PSMB7: variants seen among roughly 807,000 people sequenced by gnomAD.
PSMB7 encodes the protein proteasome subunit beta type-7.
PSMB7 carries 5 observed loss-of-function variants against 28.1 expected under a neutral mutation model. The observed-to-expected ratio is 0.18, with a 90% CI of 0.09 to 0.37. The LOEUF is 0.37. Among genes scored for constraint, PSMB7 ranks in the 10% least tolerant of loss-of-function variants. The probability of loss-of-function intolerance (pLI) is 1.00; values close to 1 mark genes in which losing one functional copy is unlikely to be tolerated. For synonymous variants in PSMB7, 122 were observed against 123.7 expected (o/e 0.99, Z 0.09); for missense variants, 275 against 346.2 (o/e 0.79, Z 1.63).
chr9:124,377,355 G>A (rs1270744880), intron 6 of PSMB7, among the ~76,000 whole-genome samples: 1 of 152,090 alleles, frequency 6.6e-6, no homozygotes, highest in Admixed American at 6.5e-5. Flanking sequence ...CTCATACTAT[G>A]TTCTCTTTTG....
intron 5 of PSMB7, among the ~76,000 whole-genome samples, chr9:124,385,845 T>C (rs1564681038): frequency 6.6e-6 from 1 of 152,068 alleles, no homozygotes; most frequent in Non-Finnish European, 1.5e-5. Context: ...ATTGAGAAAA[T>C]ACAGACTACC....
intron 6 of PSMB7, among the ~76,000 whole-genome samples, chr9:124,359,610 T>C (rs1210711712): frequency 1.3e-5 from 2 of 152,188 alleles, no homozygotes; most frequent in African/African-American, 2.4e-5. Flanking sequence ...GCAAGTGACC[T>C]TCCTTGGGCC....
chr9:124,378,355 G>C (rs2282089), intron 6 of PSMB7, among the ~76,000 whole-genome samples: 10,302 of 152,226 alleles, frequency 0.068, 955 homozygotes, highest in East Asian at 0.45. Context: ...AACTTCAATA[G>C]TACAGAATAT....
In PSMB7 at chr9:124,366,894, T is replaced by G. The variant is rs116082843; in HGVS notation, c.571-9979A>C. ...AACAGGTTGCACCATAGTGTATAGG[T>G]GTGCAGAAGGCCAGACCATCTAGGT... On this transcript the variant is annotated intron_variant, in intron 6 of 7. Coordinates refer to ENST00000259457, the MANE Select transcript of PSMB7 (RefSeq NM_002799.4). Among the ~76,000 whole-genome samples the G allele has an allele frequency of 4.0e-3, 610 of 152,344 alleles. 6 individuals are homozygous for G. The highest frequency in any genetic ancestry group is 0.014 in the African/African-American group (586 of 41,572).
chr9:124,360,610 G>A (rs887659479), intron 6 of PSMB7, among the ~76,000 whole-genome samples: 3 of 152,240 alleles, frequency 2.0e-5, no homozygotes, highest in African/African-American at 7.2e-5. Context: ...GGCCCTCCAG[G>A]CCAACAGCAG....
intron 5 of PSMB7, among the ~76,000 whole-genome samples, chr9:124,387,668 T>G (rs1830740051): frequency 6.6e-6 from 1 of 152,212 alleles, no homozygotes; most frequent in Non-Finnish European, 1.5e-5. Flanking sequence ...CTCCCAGCTT[T>G]TCAGGAAAGG....
intron 5 of PSMB7, among the ~76,000 whole-genome samples, chr9:124,402,554 G>A (rs150994753): frequency 1.7e-4 from 25 of 151,050 alleles, no homozygotes; most frequent in African/African-American, 5.1e-4. Context: ...GGTTCCCCAC[G>A]CACACGAAAC....
At chr9:124,376,059 C>G (rs898485657) in intron 6 of PSMB7, among the ~76,000 whole-genome samples, 1 of 152,078 alleles carries the variant, frequency 6.6e-6, no homozygotes, top group African/African-American at 2.4e-5. Flanking sequence ...CTAAATAAGA[C>G]GGAGGACAGA....
At chr9:124,376,863 G>A (rs1207069047) in intron 6 of PSMB7, among the ~76,000 whole-genome samples, 2 of 152,034 alleles carry the variant, frequency 1.3e-5, no homozygotes, top group African/African-American at 2.4e-5. Flanking sequence ...CCTCCCTACG[G>A]CCCAATTTTC....
chr9:124,380,656 A>G (rs1830654563), intron 6 of PSMB7, among the ~76,000 whole-genome samples: 1 of 152,254 alleles, frequency 6.6e-6, no homozygotes, highest in Non-Finnish European at 1.5e-5. Context: ...TGGTTGCTGG[A>G]AACATGGAGA....
In PSMB7 at chr9:124,356,602, A is replaced by G. The variant is rs567345359; in HGVS notation, c.722+162T>C. ...CACCTGACAGCAGCCCACTGTCATA[A>G]AGCAAGTAACAAGCCGAAGGTCTGT... On this transcript the variant is annotated intron_variant, in intron 7 of 7. Transcript: ENST00000259457. The surrounding 1 kb of genome is among the most constrained non-coding windows in gnomAD (Gnocchi z 4.4). Among the ~76,000 whole-genome samples the G allele has an allele frequency of 1.9e-3, 290 of 152,276 alleles. 2 individuals are homozygous for G. Among genetic ancestry groups the G allele is most frequent in the Non-Finnish European group, 2.7e-3 (187 of 68,028 alleles).
intron 2 of PSMB7, among the ~76,000 whole-genome samples, 195 bp from the exon 3 acceptor site, chr9:124,414,200 TGAA>T (rs1831060926): frequency 3.9e-5 from 6 of 152,206 alleles, no homozygotes; most frequent in Non-Finnish European, 7.3e-5. Context: ...TGCTACTAAT[TGAA>T]TCCTGAGTAG....
chr9:124,406,613 C>G (rs1197322037), intron 4 of PSMB7, among the ~76,000 whole-genome samples: 1 of 150,450 alleles, frequency 6.6e-6, no homozygotes, highest in Non-Finnish European at 1.5e-5. Context: ...CATATATGAA[C>G]TCGTATCAAA....
intron 5 of PSMB7, among the ~76,000 whole-genome samples, chr9:124,401,032 T>C (rs1188530303): frequency 1.3e-5 from 2 of 152,192 alleles, no homozygotes; most frequent in Non-Finnish European, 2.9e-5. Context: ...ATGTATAGCA[T>C]GAGCTCATTT....
intron 6 of PSMB7, among the ~76,000 whole-genome samples, chr9:124,381,715 C>G (rs1038448435): frequency 1.3e-5 from 2 of 152,230 alleles, no homozygotes; most frequent in Non-Finnish European, 2.9e-5. Context: ...ATGACAGACA[C>G]TTTGGCTGAA....
chr9:124,388,716 T>C (rs1830752517), intron 5 of PSMB7, among the ~76,000 whole-genome samples: 2 of 152,158 alleles, frequency 1.3e-5, no homozygotes, highest in African/African-American at 4.8e-5. Context: ...TACACACCCC[T>C]GATACTCCAC....
intron 5 of PSMB7, among the ~76,000 whole-genome samples, chr9:124,386,090 A>AG (rs1351594103): frequency 6.6e-6 from 1 of 151,830 alleles, no homozygotes; most frequent in Non-Finnish European, 1.5e-5. Context: ...CTATTCATTT[A>AG]GGCTTTGGGA....
intron 3 of PSMB7, among the ~76,000 whole-genome samples, chr9:124,413,374 T>C (rs1466207213): frequency 1.3e-5 from 2 of 151,800 alleles, no homozygotes; most frequent in African/African-American, 4.8e-5. Flanking sequence ...GCTTGAAGGG[T>C]AGGCTTTCTA....
intron 6 of PSMB7, among the ~76,000 whole-genome samples, chr9:124,372,761 G>A (rs1830575321): frequency 6.6e-6 from 1 of 152,220 alleles, no homozygotes; most frequent in South Asian, 2.1e-4. Context: ...TAAAGATAGA[G>A]AGATGAGGAA....
Sources: allele counts gnomAD v4.1 joint callset (sites outside exome capture counted in the v4.1 genomes callset), GRCh38; gene constraint gnomAD v4.1.1; non-coding constraint Gnocchi (gnomAD v3.1); transcripts MANE v1.5; gene names NCBI Gene and HGNC (gene_info 2026-07-23, HGNC 2026-07-21).